The following NMNAT2 variants were observed in gnomAD, a reference collection of about 807,000 sequenced individuals.
NMNAT2 encodes the protein nicotinamide/nicotinic acid mononucleotide adenylyltransferase 2.
A neutral mutation model predicts 41.6 loss-of-function variants in NMNAT2; 11 were observed. The observed-to-expected ratio is 0.26, with a 90% CI of 0.17 to 0.44. The LOEUF (loss-of-function observed/expected upper bound fraction) is 0.44, where lower values mean the gene tolerates loss of function less well. Ranked by LOEUF, NMNAT2 falls within the 20% of genes least tolerant of loss-of-function variation. The pLI is 1.00. For synonymous variants in NMNAT2, 148 were observed against 151.2 expected, an observed-to-expected ratio of 0.98 and a Z score of 0.16; for missense variants, 288 against 407.7, an observed-to-expected ratio of 0.71 and a Z score of 2.53.
rs538095185 is a variant in NMNAT2 at position 183,329,321 on chromosome 1, C to T, written c.86-35528G>A. Among the ~76,000 whole-genome samples the T allele has an allele frequency of 1.4e-4, 22 of 152,238 alleles. No homozygotes were observed. In the South Asian group the frequency reaches 4.6e-3, roughly 32 times the overall value. ...TTATTGCAGTTTCAGAAATGCTCAG[C>T]ATGAAAGTCATATATCTTAGCATTG... On this transcript the variant is annotated intron_variant, in intron 1 of 10. Transcript: ENST00000287713.
At chr1:183,393,191 T>C (rs1433790357) in intron 1 of NMNAT2, among the ~76,000 whole-genome samples, 1 of 152,226 alleles carries the variant, frequency 6.6e-6, no homozygotes, top group Non-Finnish European at 1.5e-5. Flanking sequence ...CAAGATTATA[T>C]AACTTCAGTT....
intron 1 of NMNAT2, among the ~76,000 whole-genome samples, chr1:183,301,640 T>C (rs1661856174): frequency 6.6e-6 from 1 of 152,248 alleles, no homozygotes; most frequent in Non-Finnish European, 1.5e-5. Flanking sequence ...GAGGGTCCAC[T>C]GTGTCTCATG....
chr1:183,411,486 A>G (rs1400119312), intron 1 of NMNAT2, among the ~76,000 whole-genome samples: 1 of 152,054 alleles, frequency 6.6e-6, no homozygotes, highest in Non-Finnish European at 1.5e-5. Context: ...TGGAATTTTT[A>G]GTAGAGACAG....
At chr1:183,371,101 G>A (rs1206788472) in intron 1 of NMNAT2, among the ~76,000 whole-genome samples, 2 of 152,342 alleles carry the variant, frequency 1.3e-5, no homozygotes, top group East Asian at 3.9e-4. Context: ...GGCAGGAGTG[G>A]TATATGCGGA....
chr1:183,296,797 A>C (rs549251078), intron 1 of NMNAT2, among the ~76,000 whole-genome samples: 43 of 152,300 alleles, frequency 2.8e-4, no homozygotes, highest in African/African-American at 1.0e-3. Flanking sequence ...TACAGGCATG[A>C]GCCACCGCAC....
At chr1:183,300,934 T>C (rs1571584667) in intron 1 of NMNAT2, among the ~76,000 whole-genome samples, 1 of 152,218 alleles carries the variant, frequency 6.6e-6, no homozygotes, top group South Asian at 2.1e-4. Context: ...TGGGGGTCTT[T>C]TTAGAATATA....
chr1:183,363,468 T>C (rs1464377901), intron 1 of NMNAT2, among the ~76,000 whole-genome samples: 2 of 152,140 alleles, frequency 1.3e-5, no homozygotes, highest in East Asian at 3.9e-4. Context: ...GGAAGCTGTA[T>C]TTGATTCTAG....
intron 1 of NMNAT2, among the ~76,000 whole-genome samples, chr1:183,389,802 A>AGGGAGGG (rs1557897619): frequency 2.4e-5 from 2 of 84,272 alleles, no homozygotes; most frequent in Admixed American, 1.3e-4. Context: ...GAAAGAAAGA[A>AGGGAGGG]AGAAAGAAAG....
chr1:183,300,146 G>T, intron 1 of NMNAT2, among the ~76,000 whole-genome samples: 1 of 152,062 alleles, frequency 6.6e-6, no homozygotes, highest in East Asian at 1.9e-4. Flanking sequence ...GCTCATGACT[G>T]TAATCCCAAC....
At chr1:183,373,516 G>A (rs1223223922) in intron 1 of NMNAT2, among the ~76,000 whole-genome samples, 1 of 152,094 alleles carries the variant, frequency 6.6e-6, no homozygotes, top group African/African-American at 2.4e-5. Context: ...CAGAATATCC[G>A]TGAAATTCCA....
rs1256061249 is a variant in NMNAT2 at position 183,413,608 on chromosome 1, T to C, written c.85+4575A>G. Among the ~76,000 whole-genome samples the C allele has an allele frequency of 7.9e-5, 11 of 139,130 alleles. No homozygotes were observed. In the East Asian group the frequency reaches 8.2e-4, roughly 10 times the overall value. The allele number at this position is 139,130 out of a possible 152,430, so 91.3% of individuals were successfully genotyped here. On this transcript the variant is annotated intron_variant, in intron 1 of 10. Transcript: ENST00000287713. ...TATTAATTTTCTTTTCTTTCTTTTT[T>C]TTTTTTTTTTTTTTTTGAGACGGAG...
intron 1 of NMNAT2, among the ~76,000 whole-genome samples, chr1:183,336,731 C>G (rs1662684340): frequency 6.6e-6 from 1 of 152,144 alleles, no homozygotes; most frequent in South Asian, 2.1e-4. Context: ...AAATGAAAAC[C>G]TGTGACCACA....
intron 1 of NMNAT2, among the ~76,000 whole-genome samples, chr1:183,390,264 C>T (rs1648440424): frequency 6.6e-6 from 1 of 152,174 alleles, no homozygotes; most frequent in Admixed American, 6.5e-5. Context: ...ATACACAGAT[C>T]TTAATGAATT....
At chr1:183,387,904 G>C (rs1204657282) in intron 1 of NMNAT2, among the ~76,000 whole-genome samples, 2 of 152,188 alleles carry the variant, frequency 1.3e-5, no homozygotes, top group African/African-American at 4.8e-5. Flanking sequence ...CAGTCGGGTG[G>C]TCTTAAGGTA....
intron 1 of NMNAT2, among the ~76,000 whole-genome samples, chr1:183,305,414 A>G (rs1661971356): frequency 6.6e-6 from 1 of 152,102 alleles, no homozygotes; most frequent in Admixed American, 6.5e-5. Flanking sequence ...AGTCTGTGTC[A>G]TTTGCATGGA....
intron 1 of NMNAT2, among the ~76,000 whole-genome samples, chr1:183,369,427 C>A (rs768491678): frequency 2.9e-4 from 44 of 151,934 alleles, no homozygotes; most frequent in Admixed American, 3.9e-4. Context: ...CAGGCATGCA[C>A]CACCATGCCC....
At chr1:183,381,563 G>T (rs1418816066) in intron 1 of NMNAT2, among the ~76,000 whole-genome samples, 3 of 152,060 alleles carry the variant, frequency 2.0e-5, no homozygotes, top group Admixed American at 6.6e-5. Flanking sequence ...TGGGTGTGGT[G>T]GTGTGCACCT....
intron 1 of NMNAT2, among the ~76,000 whole-genome samples, chr1:183,404,655 C>G (rs1049113358): frequency 6.6e-6 from 1 of 152,066 alleles, no homozygotes; most frequent in African/African-American, 2.4e-5. Flanking sequence ...TGGAGGGAAG[C>G]CTTGGAGGCC....
At chr1:183,363,312 A>G (rs773203591) in intron 1 of NMNAT2, among the ~76,000 whole-genome samples, 2 of 152,216 alleles carry the variant, frequency 1.3e-5, no homozygotes, top group Non-Finnish European at 2.9e-5. Flanking sequence ...TATTATCTGT[A>G]AAAATGGATT....
Sources: gnomAD v4.1 joint callset for allele counts (sites outside exome capture counted in the v4.1 genomes callset) on GRCh38, gnomAD v4.1.1 for gene constraint, MANE v1.5 for transcripts, NCBI Gene and HGNC (gene_info 2026-07-23, HGNC 2026-07-21) for gene names.